BANK1: variants seen among roughly 807,000 people sequenced by gnomAD.
BANK1 encodes B cell scaffold protein with ankyrin repeats 1, also known as B-cell scaffold protein with ankyrin repeats.
A neutral mutation model predicts 94.5 loss-of-function variants in BANK1; 95 were observed. The observed-to-expected ratio is 1.00, with a 90% CI of 0.85 to 1.19. The LOEUF is 1.19. Ranked by LOEUF, BANK1 falls within the 50% of genes most tolerant of loss-of-function variation. BANK1 has a pLI of 0.00. For synonymous variants in BANK1, 334 were observed against 308.4 expected, an observed-to-expected ratio of 1.08 and a Z score of -0.87; for missense variants, 987 against 932.2, an observed-to-expected ratio of 1.06 and a Z score of -0.77.
At chr4:102,071,590 C>G (rs1476256734) in intron 14 of BANK1, among the ~76,000 whole-genome samples, 1 of 152,210 alleles carries the variant, frequency 6.6e-6, no homozygotes, top group Admixed American at 6.5e-5. Flanking sequence ...AAGTCACTTA[C>G]GCTCTGTGGG....
At chr4:101,854,110 A>T (rs1727593877) in intron 2 of BANK1, among the ~76,000 whole-genome samples, 1 of 152,016 alleles carries the variant, frequency 6.6e-6, no homozygotes, top group South Asian at 2.1e-4. Context: ...CTAGTTTCTA[A>T]CTGTCAGGGG....
intron 10 of BANK1, among the ~76,000 whole-genome samples, chr4:102,040,500 AT>A (rs747932506): frequency 2.0e-5 from 3 of 151,980 alleles, no homozygotes; most frequent in Non-Finnish European, 4.4e-5. Flanking sequence ...GAAAAATAAG[AT>A]TTCACTGGGG....
intron 3 of BANK1, among the ~76,000 whole-genome samples, chr4:101,856,385 TAAAG>T (rs34210876): frequency 0.43 from 65,262 of 151,378 alleles, 14,810 homozygotes; most frequent in African/African-American, 0.58. Flanking sequence ...GCTCAGAACT[TAAAG>T]GAAGGAGATC....
chr4:101,796,186 C>T (rs549999119), intron 1 of BANK1, among the ~76,000 whole-genome samples: 3 of 152,252 alleles, frequency 2.0e-5, no homozygotes, highest in Non-Finnish European at 4.4e-5. Context: ...GACCGAAAGA[C>T]AAAGAGAGTA....
At chr4:101,799,690 C>T (rs1219587148) in intron 1 of BANK1, among the ~76,000 whole-genome samples, 9 of 152,042 alleles carry the variant, frequency 5.9e-5, no homozygotes, top group East Asian at 1.9e-4. Flanking sequence ...CTGGCTAACA[C>T]GGTGAAACCC....
intron 10 of BANK1, among the ~76,000 whole-genome samples, chr4:102,043,567 AAATGG>A (rs1488743900): frequency 1.3e-5 from 2 of 152,050 alleles, no homozygotes; most frequent in East Asian, 3.9e-4. Flanking sequence ...CCTGATATCA[AAATGG>A]AATCATATCT....
rs571990743 is a variant in BANK1, at chr4:101,947,877, C to G, written c.1206+29688C>G. Among the ~76,000 whole-genome samples the G allele has an allele frequency of 2.0e-5, 3 of 152,110 alleles. No homozygotes were observed. In the East Asian group the frequency reaches 5.8e-4, roughly 30 times the overall value. On this transcript the variant is annotated intron_variant, in intron 7 of 16. Coordinates refer to ENST00000322953, the MANE Select transcript of BANK1 (RefSeq NM_017935.5). Reference sequence around the variant, plus strand: ...TTTTGAAAAATTCATTTCTCCCTTTCTGTAAGGGATTTTCTTTGAAAATCT... The same window carrying G: ...TTTTGAAAAATTCATTTCTCCCTTTGTGTAAGGGATTTTCTTTGAAAATCT...
At position 102,044,008 on chromosome 4, in the gene BANK1, G is replaced by A. The variant is rs546521217; in HGVS notation, c.1969+101G>A. The A allele has an allele frequency of 2.4e-5, 15 of 621,156 alleles. No homozygotes were observed. In the East Asian group the frequency reaches 3.7e-4, roughly 15 times the overall value. The allele number at this position is 621,156 out of a possible 1,614,324, so 38.5% of individuals were successfully genotyped here. On this transcript the variant is annotated intron_variant, in intron 11 of 16. Transcript: ENST00000322953. ...CCTCCTAGGACAGAAGTATGTAATTGTGTGCTTTATAAATCTTACTCTTTT... is the reference window on the plus strand; with the variant it reads ...CCTCCTAGGACAGAAGTATGTAATTATGTGCTTTATAAATCTTACTCTTTT...
At chr4:102,003,833 G>GTA (rs201673515) in intron 7 of BANK1, among the ~76,000 whole-genome samples, 48 of 150,616 alleles carry the variant, frequency 3.2e-4, no homozygotes, top group Admixed American at 1.1e-3. Context: ...ATTTACTTAT[G>GTA]TATATATATA....
chr4:101,890,009 C>T (rs1033936305), intron 5 of BANK1, among the ~76,000 whole-genome samples: 2 of 152,088 alleles, frequency 1.3e-5, no homozygotes, highest in Non-Finnish European at 2.9e-5. Context: ...TAGTTTGATT[C>T]CATGCGGTCA....
At chr4:101,908,493 TG>T (rs1722544241) in intron 6 of BANK1, among the ~76,000 whole-genome samples, 1 of 152,210 alleles carries the variant, frequency 6.6e-6, no homozygotes, top group Non-Finnish European at 1.5e-5. Context: ...GACATAGGCA[TG>T]GGCAAGGACT....
At chr4:101,862,717 A>T (rs1328358678) in intron 4 of BANK1, 53 bp downstream of exon 4, 2 of 1,450,478 alleles carry the variant, frequency 1.4e-6, no homozygotes, top group Non-Finnish European at 1.8e-6. Context: ...AGTTCCTTCC[A>T]ATAAATTTAT....
intron 5 of BANK1, among the ~76,000 whole-genome samples, chr4:101,891,746 C>T (rs1347223368): frequency 6.6e-6 from 1 of 151,814 alleles, no homozygotes; most frequent in Non-Finnish European, 1.5e-5. Flanking sequence ...TGATTGTTTC[C>T]TCTGTTCTCT....
In BANK1 at chr4:102,019,096, AT is replaced by A. The variant is rs1401811252; in HGVS notation, c.1207-2416del. Among the ~76,000 whole-genome samples, 189 of 152,242 alleles carry A rather than the reference AT, an allele frequency of 1.2e-3. 3 individuals carry two copies. Among genetic ancestry groups the A allele is most frequent in the Non-Finnish European group, 1.8e-4 (12 of 68,018 alleles). Reference sequence around the variant, plus strand: ...GCCTGCTCTGATCATCTGTTTCTTAATTCTCTATTTCACCTCTAAGGACTGA... The same window carrying A: ...GCCTGCTCTGATCATCTGTTTCTTAATCTCTATTTCACCTCTAAGGACTGA... On this transcript the variant is annotated intron_variant, in intron 7 of 16. Coordinates refer to ENST00000322953, the MANE Select transcript of BANK1 (RefSeq NM_017935.5).
chr4:101,798,994 T>G (rs1200195758), intron 1 of BANK1, among the ~76,000 whole-genome samples: 10 of 152,332 alleles, frequency 6.6e-5, no homozygotes, highest in African/African-American at 1.9e-4. Flanking sequence ...TTTTGGCTTT[T>G]GTTGCCATTG....
At chr4:102,066,255 TC>T (rs1728587344) in intron 13 of BANK1, among the ~76,000 whole-genome samples, 1 of 135,396 alleles carries the variant, frequency 7.4e-6, no homozygotes, top group Non-Finnish European at 1.7e-5. Flanking sequence ...TACAATAACA[TC>T]TTTTTTTTTT....
intron 2 of BANK1, among the ~76,000 whole-genome samples, chr4:101,834,530 G>T (rs1726752325): frequency 3.9e-5 from 6 of 152,134 alleles, no homozygotes; most frequent in Admixed American, 3.9e-4. Context: ...GGTTCTATTT[G>T]CTGTAGTCTA....
chr4:101,910,874 G>A (rs927188993), intron 6 of BANK1, among the ~76,000 whole-genome samples: 2 of 152,056 alleles, frequency 1.3e-5, no homozygotes, highest in African/African-American at 2.4e-5. Context: ...GTAGAAGAGT[G>A]TGGGATAAAC....
chr4:101,827,946 T>C (rs568306001), intron 1 of BANK1, among the ~76,000 whole-genome samples: 1 of 151,988 alleles, frequency 6.6e-6, no homozygotes, highest in African/African-American at 2.4e-5. Context: ...AAACATAAGA[T>C]AAGTATTTGT....
Sources: allele counts gnomAD v4.1 joint callset (sites outside exome capture counted in the v4.1 genomes callset), GRCh38; gene constraint gnomAD v4.1.1; transcripts MANE v1.5; gene names NCBI Gene and HGNC (gene_info 2026-07-23, HGNC 2026-07-21).